The following DNAH6 variants were observed in gnomAD, a reference collection of about 807,000 sequenced individuals.
The protein encoded by DNAH6 is dynein axonemal heavy chain 6.
DNAH6 carries 340 observed loss-of-function variants against 491.4 expected under a neutral mutation model. That is an observed-to-expected ratio of 0.69 (90% CI 0.63 to 0.76). The LOEUF (loss-of-function observed/expected upper bound fraction) is 0.76. Among genes scored for constraint, DNAH6 ranks in the 30% least tolerant of loss-of-function variants. The pLI is 0.00. For missense variants in DNAH6, 4,443 were observed against 4,972.2 expected (o/e 0.89, Z 3.20); for synonymous variants, 1,603 against 1,686.1 (o/e 0.95, Z 1.21).
chr2:84,668,696 A>G (rs1421656105), intron 37 of DNAH6, among the ~76,000 whole-genome samples: 1 of 151,918 alleles, frequency 6.6e-6, no homozygotes, highest in East Asian at 1.9e-4. Flanking sequence ...TTTTTTGCCC[A>G]TCTGACTCCA....
chr2:84,710,447 C>T, intron 56 of DNAH6, 35 bp downstream of exon 56: 1 of 1,548,084 alleles, frequency 6.5e-7, no homozygotes, highest in Non-Finnish European at 8.7e-7. Flanking sequence ...ATGTCAGTTC[C>T]CAACTTTCAA....
intron 18 of DNAH6, among the ~76,000 whole-genome samples, chr2:84,600,513 T>G (rs1328694272): frequency 6.6e-6 from 1 of 152,182 alleles, no homozygotes; most frequent in Non-Finnish European, 1.5e-5. Flanking sequence ...TACTAGGCTG[T>G]GACAGTTTCT....
intron 64 of DNAH6, chr2:84,777,612 T>G (rs1347264051): frequency 1.2e-6 from 1 of 804,558 alleles, no homozygotes; most frequent in African/African-American, 1.7e-5. Context: ...GGGTGCAGAG[T>G]CTTCAGGGAG....
Position 84,681,381 on chromosome 2 carries a change from G to C in DNAH6, c.6769G>C (p.Asp2257His). The C allele has an allele frequency of 1.3e-6, 2 of 1,548,110 alleles. No individual in the cohort carries two copies. Among genetic ancestry groups the C allele is most frequent in the Non-Finnish European group, 1.7e-6 (2 of 1,145,474 alleles). The part of the protein sequence containing the change: ...FQAILNGFLS[D>H]FPPAVKQTAS... Reference sequence around the variant, plus strand: ...GGCCATCTTAAATGGTTTCCTGAGTGACTTTCCACCAGCTGTAAAGCAAAC... The same window carrying C: ...GGCCATCTTAAATGGTTTCCTGAGTCACTTTCCACCAGCTGTAAAGCAAAC... Residue 2257 changes from aspartate to histidine, a missense_variant, in exon 42 of 77, where the codon GAC becomes CAC. Physicochemically the swap from Asp to His is moderately conservative, Grantham distance 81 (BLOSUM62 -1). Coordinates refer to ENST00000389394, the MANE Select transcript of DNAH6 (RefSeq NM_001370.2).
chr2:84,667,601 A>G (rs1010199596), intron 37 of DNAH6, among the ~76,000 whole-genome samples: 30 of 152,176 alleles, frequency 2.0e-4, no homozygotes, highest in Middle Eastern at 3.2e-3. Context: ...CAGGTGCTGG[A>G]AAGGATGTGG....
chr2:84,654,874 G>T (rs1690795673), intron 35 of DNAH6, 92 bp downstream of exon 35: 1 of 1,383,096 alleles, frequency 7.2e-7, no homozygotes, highest in Middle Eastern at 1.9e-4. Flanking sequence ...AGGACTCATG[G>T]TTCTTGATTG....
At position 84,725,194 on chromosome 2, in the gene DNAH6, T is replaced by C. The variant is rs55731357; in HGVS notation, c.9972+2390T>C. Among the ~76,000 whole-genome samples the C allele has an allele frequency of 6.6e-3, 1,012 of 152,328 alleles. 13 individuals carry two copies. The highest frequency in any genetic ancestry group is 0.024 in the African/African-American group (985 of 41,566). On this transcript the variant is annotated intron_variant, in intron 60 of 76. Transcript: ENST00000389394. Reference sequence around the variant, plus strand: ...GCATATAACATTCCAACAATTCTTATTGAACTTCAGATAGTCAAACAATTC... The same window carrying C: ...GCATATAACATTCCAACAATTCTTACTGAACTTCAGATAGTCAAACAATTC...
chr2:84,511,605 A>T (rs1187594474), upstream of DNAH6, among the ~76,000 whole-genome samples: 3 of 152,086 alleles, frequency 2.0e-5, no homozygotes, highest in Non-Finnish European at 4.4e-5. Context: ...GACACTCCCC[A>T]GTGAGACGAA....
intron 33 of DNAH6, among the ~76,000 whole-genome samples, chr2:84,642,863 T>A (rs1376943032): frequency 6.6e-6 from 1 of 152,168 alleles, no homozygotes; most frequent in African/African-American, 2.4e-5. Context: ...TATAATCAAA[T>A]ACATTGTTGC....
At chr2:84,659,910 A>G (rs927386371) in intron 37 of DNAH6, among the ~76,000 whole-genome samples, 1 of 152,118 alleles carries the variant, frequency 6.6e-6, no homozygotes, top group East Asian at 1.9e-4. Flanking sequence ...TGAGCCCAGG[A>G]ATTTCAGGCT....
At chr2:84,708,392 T>C in intron 54 of DNAH6, among the ~76,000 whole-genome samples, 1 of 142,758 alleles carries the variant, frequency 7.0e-6, no homozygotes, top group African/African-American at 2.7e-5. Flanking sequence ...TTGCCGTGAG[T>C]GGAGATTGCG....
intron 62 of DNAH6, among the ~76,000 whole-genome samples, chr2:84,743,821 C>G (rs908840961): frequency 6.6e-6 from 1 of 152,072 alleles, no homozygotes; most frequent in African/African-American, 2.4e-5. Flanking sequence ...GAATCTGTCT[C>G]CAAATGAATA....
chr2:84,675,541 G>A (rs994761039), intron 40 of DNAH6, among the ~76,000 whole-genome samples: 3 of 152,130 alleles, frequency 2.0e-5, no homozygotes, highest in African/African-American at 7.2e-5. Context: ...CACTGCAAGT[G>A]CCACTTCCTT....
intron 11 of DNAH6, among the ~76,000 whole-genome samples, chr2:84,560,900 A>C (rs1212692260): frequency 6.6e-6 from 1 of 151,696 alleles, no homozygotes; most frequent in Non-Finnish European, 1.5e-5. Context: ...CGCTATTGTG[A>C]ATAGTGCCAC....
At chr2:84,807,262 C>T (rs1395193766) in intron 71 of DNAH6, among the ~76,000 whole-genome samples, 1 of 152,194 alleles carries the variant, frequency 6.6e-6, no homozygotes, top group Non-Finnish European at 1.5e-5. Flanking sequence ...GGATTTTTGT[C>T]CAGCAGCCAA....
Position 84,525,669 on chromosome 2 carries a change from A to G in DNAH6, c.330A>G (p.Ile110Met). ...GAATCATTAAACGTCCAGTAAGCAT[A>G]GCAAAAAAAAGTTTTGCCACATCAT... Reference protein sequence around the residue: ...TAGIIKRPVSIAKKSFATSST... With the variant: ...TAGIIKRPVSMAKKSFATSST... The change falls in exon 3 of 77, where the codon ATA becomes ATG. Residue 110 changes from isoleucine to methionine, a missense_variant. By Grantham distance (10) the Ile-to-Met change is conservative. Transcript: ENST00000389394. 6.4e-7 allele frequency: 1 copy of G among 1,550,560 alleles called. No individual in the cohort carries two copies. Among genetic ancestry groups the G allele is most frequent in the South Asian group, 1.2e-5 (1 of 83,980 alleles).
chr2:84,518,980 G>A (rs1304130743), intron 2 of DNAH6, among the ~76,000 whole-genome samples: 1 of 152,148 alleles, frequency 6.6e-6, no homozygotes, highest in Non-Finnish European at 1.5e-5. Flanking sequence ...AGGAGGTAGA[G>A]GCTGCAGTAA....
chr2:84,703,682 T>A, intron 50 of DNAH6, 120 bp downstream of exon 50: 4 of 976,754 alleles, frequency 4.1e-6, no homozygotes, highest in Non-Finnish European at 5.6e-6. Flanking sequence ...AAGTGATAGA[T>A]TTAGCAAAGT....
chr2:84,484,109 C>G, the DNAH6 span, among the ~76,000 whole-genome samples: 1 of 152,136 alleles, frequency 6.6e-6, no homozygotes, highest in African/African-American at 2.4e-5. Flanking sequence ...GCTAAGCTGA[C>G]CCTTTCCCCA....
Sources: gnomAD v4.1 joint callset for allele counts (sites outside exome capture counted in the v4.1 genomes callset) on GRCh38, gnomAD v4.1.1 for gene constraint, MANE v1.5 for transcripts, NCBI Gene and HGNC (gene_info 2026-07-23, HGNC 2026-07-21) for gene names.